The following MACROD2 variants were observed in gnomAD, a reference collection of about 807,000 sequenced individuals.
MACROD2 encodes the protein mono-ADP ribosylhydrolase 2.
A neutral mutation model predicts 70.4 loss-of-function variants in MACROD2; 36 were observed. The ratio of observed to expected loss-of-function variants is 0.51; its 90% CI spans 0.39 to 0.68. MACROD2 has a LOEUF of 0.68. Among genes scored for constraint, MACROD2 ranks in the 30% least tolerant of loss-of-function variants. MACROD2 has a pLI of 0.00. For synonymous variants in MACROD2, 172 were observed against 178.8 expected, an observed-to-expected ratio of 0.96 and a Z score of 0.30; for missense variants, 496 against 538.4, an observed-to-expected ratio of 0.92 and a Z score of 0.78.
At position 14,461,985 on chromosome 20, in the gene MACROD2, T is replaced by C. The variant is rs367776179; in HGVS notation, c.272-31494T>C. Among the ~76,000 whole-genome samples, 956 of 152,200 alleles carry C rather than the reference T, an allele frequency of 6.3e-3. 6 individuals carry two copies. Among genetic ancestry groups the C allele is most frequent in the East Asian group, 0.016 (81 of 5,176 alleles). On this transcript the variant is annotated intron_variant, in intron 3 of 17. Coordinates refer to ENST00000684519, the MANE Select transcript of MACROD2 (RefSeq NM_001351661.2). ...GTCTTTATAGCAGCATGATTTATAA[T>C]CCTTTGGGTATATACCCAGTAATGT...
At chr20:14,870,785 A>C (rs2122421963) in intron 5 of MACROD2, among the ~76,000 whole-genome samples, 1 of 151,990 alleles carries the variant, frequency 6.6e-6, no homozygotes, top group Admixed American at 6.6e-5. Context: ...CCACTTTTTA[A>C]TGGGGTTGTT....
At chr20:14,608,073 T>C (rs1982919956) in intron 4 of MACROD2, among the ~76,000 whole-genome samples, 1 of 151,946 alleles carries the variant, frequency 6.6e-6, no homozygotes, top group South Asian at 2.1e-4. Flanking sequence ...GCCAATATGG[T>C]GAAACCTCGT....
intron 3 of MACROD2, among the ~76,000 whole-genome samples, chr20:14,477,188 G>C (rs10485773): frequency 3.3e-5 from 5 of 152,020 alleles, no homozygotes. Flanking sequence ...AAGCGAAGAG[G>C]GTACTATCAT....
chr20:15,265,616 C>T (rs1430543738), intron 6 of MACROD2, among the ~76,000 whole-genome samples: 2 of 152,176 alleles, frequency 1.3e-5, no homozygotes, highest in Admixed American at 6.6e-5. Context: ...AAGAATGTTC[C>T]AGTTAAATTT....
intron 4 of MACROD2, among the ~76,000 whole-genome samples, chr20:14,522,517 G>A (rs535898650): frequency 3.9e-4 from 60 of 152,258 alleles, no homozygotes; most frequent in Non-Finnish European, 7.2e-4. Context: ...CTACTCTGTC[G>A]GGCTTACTAT....
intron 9 of MACROD2, among the ~76,000 whole-genome samples, chr20:15,874,229 T>C (rs13038249): frequency 0.67 from 101,413 of 151,534 alleles, 34,830 homozygotes; most frequent in Non-Finnish European, 0.75. Flanking sequence ...TCCATGTCCC[T>C]GCAAAGGACA....
chr20:14,394,265 A>AGCAAC (rs1436119514), intron 3 of MACROD2, among the ~76,000 whole-genome samples: 8 of 152,158 alleles, frequency 5.3e-5, no homozygotes, highest in Non-Finnish European at 1.0e-4. Context: ...CTCTCCATAT[A>AGCAAC]TTTAGATCTT....
intron 4 of MACROD2, among the ~76,000 whole-genome samples, chr20:14,679,929 A>AT: frequency 6.6e-6 from 1 of 152,218 alleles, no homozygotes; most frequent in African/African-American, 2.4e-5. Flanking sequence ...GGCACTAGCA[A>AT]GTAACTTAAA....
chr20:14,449,424 T>C (rs971928351), intron 3 of MACROD2, among the ~76,000 whole-genome samples: 3 of 152,132 alleles, frequency 2.0e-5, no homozygotes, highest in Non-Finnish European at 4.4e-5. Context: ...TAGATTATAA[T>C]TGAGTACTAT....
chr20:15,204,734 A>G (rs1346122967), intron 5 of MACROD2, among the ~76,000 whole-genome samples: 1 of 152,166 alleles, frequency 6.6e-6, no homozygotes, highest in Non-Finnish European at 1.5e-5. Context: ...AACATAATGC[A>G]TTAGTTGGAA....
intron 9 of MACROD2, among the ~76,000 whole-genome samples, chr20:15,870,100 T>A (rs1475834095): frequency 6.6e-6 from 1 of 152,072 alleles, no homozygotes; most frequent in African/African-American, 2.4e-5. Flanking sequence ...TTTGACCTCC[T>A]TATAGTCTTC....
chr20:15,862,725 G>A lies in MACROD2; in HGVS notation c.646-20G>A. The stretch of plus-strand genomic sequence containing the variant: ...TGCCATATTTTTTTTCACTTTGAGT[G>A]TTTTATCTTTTGCCTCTAGGTGGAT... On this transcript the variant is annotated intron_variant, in intron 8 of 17. Transcript: ENST00000684519. 1 of 1,596,728 alleles carries A rather than the reference G, an allele frequency of 6.3e-7. No homozygotes were observed. Among genetic ancestry groups the A allele is most frequent in the Non-Finnish European group, 8.5e-7 (1 of 1,170,138 alleles).
intron 6 of MACROD2, among the ~76,000 whole-genome samples, chr20:15,374,687 T>A (rs1262390878): frequency 6.6e-6 from 1 of 152,212 alleles, no homozygotes; most frequent in Non-Finnish European, 1.5e-5. Flanking sequence ...AGAGATGTTT[T>A]CAATTTCATT....
chr20:14,363,330 G>A lies in MACROD2; in HGVS notation c.272-130149G>A, dbSNP rs567805541. Among the ~76,000 whole-genome samples the A allele has an allele frequency of 1.2e-3, 186 of 152,250 alleles. 4 individuals are homozygous for A. Among genetic ancestry groups the A allele is most frequent in the Non-Finnish European group, 1.4e-3 (93 of 68,030 alleles). On this transcript the variant is annotated intron_variant, in intron 3 of 17. Coordinates refer to ENST00000684519, the MANE Select transcript of MACROD2 (RefSeq NM_001351661.2). ...AGCTGTGGAAATAGAGGAGTAGAGA[G>A]GGTAGATAGCTTGCCCCACTGAGAA... is the stretch of plus-strand genomic sequence containing the variant.
chr20:15,657,344 G>A (rs2049746803), intron 8 of MACROD2, among the ~76,000 whole-genome samples: 1 of 152,180 alleles, frequency 6.6e-6, no homozygotes, highest in Non-Finnish European at 1.5e-5. Flanking sequence ...CTAAAGAGCA[G>A]AAAGAGAAAT....
At chr20:15,786,340 GA>G (rs1159610884) in intron 8 of MACROD2, among the ~76,000 whole-genome samples, 1 of 151,356 alleles carries the variant, frequency 6.6e-6, no homozygotes, top group Non-Finnish European at 1.5e-5. Context: ...TAATTTGTAA[GA>G]AAAAAAAGTG....
chr20:16,024,901 C>T (rs1289892655), intron 15 of MACROD2, among the ~76,000 whole-genome samples: 1 of 152,072 alleles, frequency 6.6e-6, no homozygotes, highest in East Asian at 1.9e-4. Flanking sequence ...CTTTAAAAAG[C>T]CTGCTCTTCA....
In MACROD2 at chr20:15,499,950, G is replaced by A. The variant is rs78568111; in HGVS notation, c.645+103G>A. 793 of 1,068,818 alleles carry A rather than the reference G, an allele frequency of 7.4e-4. 4 individuals carry two copies. The African/African-American group carries it at 0.01, about 14-fold the overall frequency. The allele number at this position is 1,068,818 out of a possible 1,614,324, so 66.2% of individuals were successfully genotyped here. ...ATTTTATAAATATCAACTACACCTAGTCATTGAGCCAAACCTAGCTGACCA... is the reference window on the plus strand; with the variant it reads ...ATTTTATAAATATCAACTACACCTAATCATTGAGCCAAACCTAGCTGACCA... On this transcript the variant is annotated intron_variant, in intron 8 of 17. Coordinates refer to ENST00000684519, the MANE Select transcript of MACROD2 (RefSeq NM_001351661.2).
At chr20:15,038,799 T>C (rs1406400865) in intron 5 of MACROD2, among the ~76,000 whole-genome samples, 1 of 152,162 alleles carries the variant, frequency 6.6e-6, no homozygotes, top group Non-Finnish European at 1.5e-5. Flanking sequence ...AAGAGATGTA[T>C]TGATGCTATC....
Sources: gnomAD v4.1 joint callset for allele counts (sites outside exome capture counted in the v4.1 genomes callset) on GRCh38, gnomAD v4.1.1 for gene constraint, MANE v1.5 for transcripts, NCBI Gene and HGNC (gene_info 2026-07-23, HGNC 2026-07-21) for gene names.